The following EPHX1 variants were observed in gnomAD, a reference collection of about 807,000 sequenced individuals.
EPHX1 encodes the protein epoxide hydratase.
EPHX1 carries 40 observed loss-of-function variants against 43.2 expected under a neutral mutation model. That is an observed-to-expected ratio of 0.93 (90% CI 0.72 to 1.21). The LOEUF is 1.21. Among genes scored for constraint, EPHX1 ranks in the 50% most tolerant of loss-of-function variants. The probability of loss-of-function intolerance (pLI) is 0.00; values close to 1 mark genes in which losing one functional copy is unlikely to be tolerated. For synonymous variants in EPHX1, 221 were observed against 226.7 expected, an observed-to-expected ratio of 0.98 and a Z score of 0.22; for missense variants, 550 against 570.4, an observed-to-expected ratio of 0.96 and a Z score of 0.36.
At chr1:225,811,361 C>A (rs1227503197) in intron 1 of EPHX1, among the ~76,000 whole-genome samples, 2 of 152,156 alleles carry the variant, frequency 1.3e-5, no homozygotes, top group Non-Finnish European at 2.9e-5. Flanking sequence ...GTTTAAACTT[C>A]AGGTTCCGCA....
Position 225,828,739 on chromosome 1 carries a change from G to C in EPHX1, c.10G>C (p.Glu4Gln), listed in dbSNP as rs758271657. Residue 4 changes from glutamate to glutamine, a missense_variant, in exon 2 of 9, where the codon GAA becomes CAA. By Grantham distance (29) the Glu-to-Gln change is conservative. Coordinates refer to ENST00000272167, the MANE Select transcript of EPHX1 (RefSeq NM_001136018.4). ...TCATCTTGCAGGAGCCATGTGGCTA[G>C]AAATCCTCCTCACTTCAGTGCTGGG... The part of the protein sequence containing the change: MWL[E>Q]ILLTSVLGFA... 2 of 1,612,798 alleles carry C rather than the reference G, an allele frequency of 1.2e-6. No homozygotes were observed. The highest frequency in any genetic ancestry group is 1.7e-5 in the Admixed American group (1 of 59,938).
chr1:225,842,286 A>T, intron 6 of EPHX1, 80 bp from the exon 7 acceptor site: 1 of 1,073,434 alleles, frequency 9.3e-7, no homozygotes. Flanking sequence ...CTCTGCGGCC[A>T]GTGCCACACA....
In EPHX1 at chr1:225,839,216, G is replaced by A. The variant is rs769056947; in HGVS notation, c.593-1G>A. The A allele has an allele frequency of 5.6e-6, 9 of 1,613,966 alleles. No individual in the cohort carries two copies. In the Admixed American group the frequency reaches 1.2e-4, roughly 21 times the overall value. On this transcript the variant is annotated splice_acceptor_variant, in intron 4 of 8. Coordinates refer to ENST00000272167, the MANE Select transcript of EPHX1 (RefSeq NM_001136018.4). LOFTEE classifies it high-confidence loss of function. ...TCCATGCCTTTCCCCATCACTGCCA[G>A]GGTTCAACTCGGTGGCCACCGCCAG...
intron 1 of EPHX1, among the ~76,000 whole-genome samples, chr1:225,827,990 G>A (rs1240185732): frequency 6.6e-6 from 1 of 152,176 alleles, no homozygotes; most frequent in Non-Finnish European, 1.5e-5. Context: ...CAGGAAAGGT[G>A]CTCCTCTCCC....
At chr1:225,835,226 G>C (rs1316749918) in intron 3 of EPHX1, among the ~76,000 whole-genome samples, 1 of 151,896 alleles carries the variant, frequency 6.6e-6, no homozygotes, top group Non-Finnish European at 1.5e-5. Context: ...CATGAGACTG[G>C]GTTTTTTTTA....
rs1668429710 is a variant in EPHX1 at position 225,841,627 on chromosome 1, A to T, written c.932-739A>T. 3.9e-5 allele frequency among the ~76,000 whole-genome samples: 5 copies of T among 127,706 alleles called. 1 individual carries two copies. In the South Asian group the frequency reaches 1.3e-3, roughly 32 times the overall value. The allele number at this position is 127,706 out of a possible 152,430, so 83.8% of individuals were successfully genotyped here. A position where few individuals can be genotyped will look rare whatever the true frequency, so the allele number is the denominator to read the frequency against. ...TTTTTTTTTTTTTTTTTTGAGACAG[A>T]GTCTTGCTCTGTTGCCCAGGCTAGA... is the stretch of plus-strand genomic sequence containing the variant. On this transcript the variant is annotated intron_variant, in intron 6 of 8. Coordinates refer to ENST00000272167, the MANE Select transcript of EPHX1 (RefSeq NM_001136018.4).
intron 1 of EPHX1, among the ~76,000 whole-genome samples, chr1:225,822,265 A>T (rs2102696947): frequency 6.6e-6 from 1 of 152,286 alleles, no homozygotes; most frequent in African/African-American, 2.4e-5. Context: ...TTGCAACAAA[A>T]ATTGTATTTT....
At chr1:225,839,731 C>A in intron 5 of EPHX1, 98 bp from the exon 6 acceptor site, 1 of 1,308,276 alleles carries the variant, frequency 7.6e-7, no homozygotes, top group Non-Finnish European at 1.1e-6. Flanking sequence ...GCTCTGTGCT[C>A]GCTCCTCAGC....
intron 5 of EPHX1, 73 bp from the exon 6 acceptor site, chr1:225,839,753 TTCC>T (rs1218888928): frequency 1.5e-5 from 22 of 1,486,180 alleles, no homozygotes; most frequent in Non-Finnish European, 2.0e-5. Flanking sequence ...CTGAGGCCTG[TTCC>T]TCCGCCATCT....
Position 225,844,520 on chromosome 1 carries a change from C to T in EPHX1, c.1063C>T (p.Leu355=). Residue 355 remains leucine (L), a synonymous_variant, in exon 8 of 9, where the codon CTG becomes TTG. Coordinates refer to ENST00000272167, the MANE Select transcript of EPHX1 (RefSeq NM_001136018.4). ...LERKFSLDDL[L]TNVMLYWTTG... is the part of the protein sequence containing the mutation. The stretch of plus-strand genomic sequence containing the variant: ...CAGGAAGTTCTCCCTGGACGACCTG[C>T]TGACCAACGTCATGCTCTACTGGAC... 6.2e-7 allele frequency: 1 copy of T among 1,614,164 alleles called. No homozygotes were observed. The highest frequency in any genetic ancestry group is 8.5e-7 in the Non-Finnish European group (1 of 1,180,028).
chr1:225,835,685 G>A (rs1009201596), intron 3 of EPHX1, among the ~76,000 whole-genome samples: 9 of 151,090 alleles, frequency 6.0e-5, no homozygotes, highest in Non-Finnish European at 1.3e-4. Flanking sequence ...CACGGCACCC[G>A]GCCTTTGTTT....
chr1:225,828,927 G>A lies in EPHX1; in HGVS notation c.183+15G>A, dbSNP rs773055048. On this transcript the variant is annotated intron_variant, in intron 2 of 8. Coordinates refer to ENST00000272167, the MANE Select transcript of EPHX1 (RefSeq NM_001136018.4). The stretch of plus-strand genomic sequence containing the variant: ...AGGAGATCCACGTAAGGCACCTTGG[G>A]CCGGGCCGGGCTGGGCAGTGGAGAG... 94 of 1,556,436 alleles carry A rather than the reference G, an allele frequency of 6.0e-5. No homozygotes were observed. In the East Asian group the frequency reaches 6.7e-4, roughly 11 times the overall value.
Position 225,828,783 on chromosome 1 carries a change from C to T in EPHX1, c.54C>T (p.Phe18=). 1 of 1,613,818 alleles carries T rather than the reference C, an allele frequency of 6.2e-7. No individual in the cohort carries two copies. Among genetic ancestry groups the T allele is most frequent in the Non-Finnish European group, 8.5e-7 (1 of 1,179,968 alleles). The change falls in exon 2 of 9, where the codon TTC becomes TTT. Residue 18 remains phenylalanine (F), a synonymous_variant. Coordinates refer to ENST00000272167, the MANE Select transcript of EPHX1 (RefSeq NM_001136018.4). ...TGCTGGGCTTTGCCATCTACTGGTT[C>T]ATCTCCCGGGACAAAGAGGAAACTT... ...TSVLGFAIYW[F]ISRDKEETLP... is the part of the protein sequence containing the mutation.
chr1:225,841,405 C>A (rs1297592270), intron 6 of EPHX1, among the ~76,000 whole-genome samples: 3 of 151,872 alleles, frequency 2.0e-5, no homozygotes, highest in Non-Finnish European at 4.4e-5. Flanking sequence ...GCCTCAGCCT[C>A]CCAAGTAGCT....
intron 1 of EPHX1, among the ~76,000 whole-genome samples, chr1:225,820,744 C>T (rs767455283): frequency 3.1e-4 from 47 of 152,178 alleles, no homozygotes; most frequent in Non-Finnish European, 5.0e-4. Flanking sequence ...CTCAATGACC[C>T]CTTCTCTGTG....
Position 225,845,269 on chromosome 1 carries a change from C to T in EPHX1, c.1290C>T (p.Gly430=). The change falls in exon 9 of 9, where the codon GGC becomes GGT. Residue 430 remains glycine (G), a synonymous_variant. Transcript: ENST00000272167. ...CCTATTCCTACATGGTTCGTGGGGGCCACTTTGCGGCCTTTGAGGAGCCGG... is the reference window on the plus strand; with the variant it reads ...CCTATTCCTACATGGTTCGTGGGGGTCACTTTGCGGCCTTTGAGGAGCCGG... ...LISYSYMVRG[G]HFAAFEEPEL... is the part of the protein sequence containing the mutation. 1 of 1,613,728 alleles carries T rather than the reference C, an allele frequency of 6.2e-7. No individual in the cohort carries two copies. The highest frequency in any genetic ancestry group is 8.5e-7 in the Non-Finnish European group (1 of 1,180,002).
At chr1:225,828,656 CAG>C in intron 1 of EPHX1, 67 bp from the exon 2 acceptor site, 1 of 1,542,576 alleles carries the variant, frequency 6.5e-7, no homozygotes. Flanking sequence ...TGCTGGGGAT[CAG>C]AGTCTCTGGG....
intron 2 of EPHX1, among the ~76,000 whole-genome samples, chr1:225,830,912 ATAGT>A (rs1283135370): frequency 6.6e-6 from 1 of 152,214 alleles, no homozygotes; most frequent in South Asian, 2.1e-4. Flanking sequence ...ACCTCTTTAA[ATAGT>A]TAGGGGGAAA....
rs745827671 is a variant in EPHX1 at position 225,844,560 on chromosome 1, TCTC to T, written c.1108_1110del (p.Ser370del). On this transcript the variant is annotated inframe_deletion, in exon 8 of 9. Coordinates refer to ENST00000272167, the MANE Select transcript of EPHX1 (RefSeq NM_001136018.4). ...CTCTACTGGACAACAGGCACCATCA[TCTC>T]CTCCCAGCGCTTCTACAAGGAGAAC... The T allele has an allele frequency of 6.6e-5, 107 of 1,614,002 alleles. 1 individual carries two copies. The highest frequency in any genetic ancestry group is 5.5e-5 in the South Asian group (5 of 91,074).
Sources: allele counts gnomAD v4.1 joint callset (sites outside exome capture counted in the v4.1 genomes callset), GRCh38; gene constraint gnomAD v4.1.1; transcripts MANE v1.5; gene names NCBI Gene and HGNC (gene_info 2026-07-23, HGNC 2026-07-21).